GIGYF1: variants seen among roughly 807,000 people sequenced by gnomAD.
The protein encoded by GIGYF1 is GRB10 interacting GYF protein 1.
GIGYF1 carries 84 observed loss-of-function variants against 147.1 expected under a neutral mutation model. That is an observed-to-expected ratio of 0.57 (90% CI 0.48 to 0.68). GIGYF1 has a LOEUF of 0.68. Among genes scored for constraint, GIGYF1 ranks in the 30% least tolerant of loss-of-function variants. The pLI is 0.00. For synonymous variants in GIGYF1, 752 were observed against 589.5 expected, an observed-to-expected ratio of 1.28 and a Z score of -3.99; for missense variants, 1,485 against 1,393.7, an observed-to-expected ratio of 1.07 and a Z score of -1.04.
chr7:100,693,561 C>G (rs1805989835), intron 1 of GIGYF1, among the ~76,000 whole-genome samples: 1 of 152,180 alleles, frequency 6.6e-6, no homozygotes, highest in African/African-American at 2.4e-5. Context: ...TGGCCAAAGT[C>G]GTGGAACGCT....
At chr7:100,692,634 T>C (rs1389377894) in intron 1 of GIGYF1, among the ~76,000 whole-genome samples, 1 of 152,200 alleles carries the variant, frequency 6.6e-6, no homozygotes, top group African/African-American at 2.4e-5. Flanking sequence ...GGCTAACGCA[T>C]CAGATCACGA....
Position 100,687,493 on chromosome 7 carries a change from T to C in GIGYF1, c.373+12A>G, listed in dbSNP as rs371491920. On this transcript the variant is annotated intron_variant, in intron 7 of 26. Transcript: ENST00000678049. ...ATCTGCCCGTCCCCAGGACACGCCATCACCCCTCTACCTCGGCTCCGCGTG... is the reference window on the plus strand; with the variant it reads ...ATCTGCCCGTCCCCAGGACACGCCACCACCCCTCTACCTCGGCTCCGCGTG... The C allele has an allele frequency of 3.7e-6, 6 of 1,609,028 alleles. No individual in the cohort carries two copies. The South Asian group carries it at 4.4e-5, about 12-fold the overall frequency.
Position 100,682,246 on chromosome 7 carries a change from A to C in GIGYF1, c.2762-11T>G. ...CTACAGCCATGGGCACTGCAGGATG[A>C]GCGAAGGCTGTCAGGGCCCCCTGGC... On this transcript the variant is annotated splice_polypyrimidine_tract_variant and intron_variant, in intron 24 of 26. Coordinates refer to ENST00000678049, the MANE Select transcript of GIGYF1 (RefSeq NM_001375765.1). The C allele has an allele frequency of 6.2e-7, 1 of 1,609,462 alleles. No homozygotes were observed. Among genetic ancestry groups the C allele is most frequent in the Non-Finnish European group, 8.5e-7 (1 of 1,178,736 alleles).
In GIGYF1 at chr7:100,684,322, C is replaced by A; in HGVS notation, c.1645G>T (p.Glu549Ter). The A allele has an allele frequency of 6.3e-7, 1 of 1,597,902 alleles. No homozygotes were observed. Among genetic ancestry groups the A allele is most frequent in the South Asian group, 1.1e-5 (1 of 89,038 alleles). Residue 549 changes from glutamate to a stop codon, truncating the protein, a stop_gained, in exon 17 of 27, where the codon GAG becomes TAG. Coordinates refer to ENST00000678049, the MANE Select transcript of GIGYF1 (RefSeq NM_001375765.1). LOFTEE classifies it high-confidence loss of function. ...AGCTCCTGTTGCTTCTTCAGCCGCT[C>A]CTGGTCCATGTTTCCCTGCTCAGGT... ...PPPLLGNMDQ[E>*]RLKKQQELAA...
In GIGYF1 at chr7:100,681,671, G is replaced by A. The variant is rs371623872; in HGVS notation, c.*48C>T. 1.9e-4 allele frequency: 292 copies of A among 1,503,592 alleles called. 2 individuals are homozygous for A. Among genetic ancestry groups the A allele is most frequent in the Middle Eastern group, 2.0e-4 (1 of 4,906 alleles). 93.1% of individuals were successfully genotyped at this position (1,503,592 alleles called of 1,614,324 possible). A position where few individuals can be genotyped will look rare whatever the true frequency, so the allele number is the denominator to read the frequency against. ...CAGGCTGGGACCCTCGGTCCACGCC[G>A]CTGTGGCTGCCCTGGCCTACAGCCC... On this transcript the variant is annotated 3_prime_UTR_variant, in exon 27 of 27. Coordinates refer to ENST00000678049, the MANE Select transcript of GIGYF1 (RefSeq NM_001375765.1).
chr7:100,680,528 C>T lies in GIGYF1; in HGVS notation c.*1191G>A, dbSNP rs901162672. On this transcript the variant is annotated 3_prime_UTR_variant, in exon 27 of 27. Transcript: ENST00000678049. ...CAACCTTACCCAACGGTAAAAAGCG[C>T]ATCATATCAGACCCGGAAGGCCACC... 6.5e-5 allele frequency: 10 copies of T among 152,682 alleles called. No homozygotes were observed. The highest frequency in any genetic ancestry group is 3.8e-4 in the East Asian group (2 of 5,198). The allele number at this position is 152,682 out of a possible 1,614,324, so 9.5% of individuals were successfully genotyped here.
rs1394135248 is a variant in GIGYF1 at position 100,681,969 on chromosome 7, G to A, written c.2950C>T (p.Leu984=). The change falls in exon 26 of 27, where the codon CTG becomes TTG. Residue 984 remains leucine, a synonymous_variant. Coordinates refer to ENST00000678049, the MANE Select transcript of GIGYF1 (RefSeq NM_001375765.1). ...QQEAWLSSAS[L]QTAFQANHST... is the part of the protein sequence containing the mutation. ...TGGTTGGCCTGGAAGGCCGTCTGCA[G>A]CGAGGCGCTGCTCAGCCATGCCTCC... 6.2e-7 allele frequency: 1 copy of A among 1,608,910 alleles called. No homozygotes were observed. The highest frequency in any genetic ancestry group is 1.7e-5 in the Admixed American group (1 of 60,008).
Position 100,681,209 on chromosome 7 carries a change from A to T in GIGYF1, c.*510T>A, listed in dbSNP as rs2131363246. On this transcript the variant is annotated 3_prime_UTR_variant, in exon 27 of 27. Coordinates refer to ENST00000678049, the MANE Select transcript of GIGYF1 (RefSeq NM_001375765.1). ...CTGGCCCCCAGCTTCCAGTTACCCC[A>T]TGGCCCGCCTTCTGGGGGGTAAGTA... is the stretch of plus-strand genomic sequence containing the variant. 6.5e-6 allele frequency: 1 copy of T among 152,708 alleles called. No homozygotes were observed. The highest frequency in any genetic ancestry group is 2.4e-5 in the African/African-American group (1 of 41,542). 9.5% of individuals were successfully genotyped at this position (152,708 alleles called of 1,614,324 possible).
At chr7:100,693,105 G>A (rs1351516497) in intron 1 of GIGYF1, among the ~76,000 whole-genome samples, 2 of 152,048 alleles carry the variant, frequency 1.3e-5, no homozygotes, top group Non-Finnish European at 2.9e-5. Context: ...CACTTTGAGA[G>A]GCAGGAGGGA....
chr7:100,683,168 G>T lies in GIGYF1; in HGVS notation c.2256C>A (p.Pro752=). 1.2e-6 allele frequency: 2 copies of T among 1,603,036 alleles called. No individual in the cohort carries two copies. The highest frequency in any genetic ancestry group is 1.7e-6 in the Non-Finnish European group (2 of 1,178,274). The change falls in exon 22 of 27, where the codon CCC becomes CCA. Residue 752 remains proline, a synonymous_variant. Transcript: ENST00000678049. ...LQQQQAVPVP[P]APSSPPPLWA... ...AGAGTGGGGGCGGGGAGCTGGGTGC[G>T]GGGGGCACAGGGACCGCCTGCTGCT...
Position 100,688,656 on chromosome 7 carries a change from G to A in GIGYF1, c.-199C>T. On this transcript the variant is annotated 5_prime_UTR_variant, in exon 2 of 27. Transcript: ENST00000678049. ...TGCTGGAGTGAACGAGGGTACCCAA[G>A]CCACTGGGAATTGGTCTGACCTCAG... 2 of 409,840 alleles carry A rather than the reference G, an allele frequency of 4.9e-6. No individual in the cohort carries two copies. Among genetic ancestry groups the A allele is most frequent in the South Asian group, 1.8e-5 (1 of 54,326 alleles). 25.4% of individuals were successfully genotyped at this position (409,840 alleles called of 1,614,324 possible).
intron 1 of GIGYF1, among the ~76,000 whole-genome samples, chr7:100,691,710 G>A (rs910597738): frequency 1.3e-5 from 2 of 152,050 alleles, no homozygotes; most frequent in African/African-American, 4.8e-5. Context: ...CCCCGCCCTG[G>A]CCCTGCCCTC....
rs1562872784 is a variant in GIGYF1 at position 100,683,642 on chromosome 7, G to A, written c.1970-10C>T. ...AGACTGGCCTCACCACCTGCAGGGG[G>A]CAGGGGGGCAGAGGCGGCTGCAGGT... On this transcript the variant is annotated splice_polypyrimidine_tract_variant and intron_variant, in intron 19 of 26. Coordinates refer to ENST00000678049, the MANE Select transcript of GIGYF1 (RefSeq NM_001375765.1). The A allele has an allele frequency of 5.6e-6, 9 of 1,613,130 alleles. No homozygotes were observed. The highest frequency in any genetic ancestry group is 4.4e-5 in the South Asian group (4 of 91,056).
chr7:100,694,045 T>G, intron 1 of GIGYF1, 65 bp downstream of exon 1: 2 of 142,434 alleles, frequency 1.4e-5, no homozygotes, highest in Non-Finnish European at 1.5e-5. Flanking sequence ...CGCCGCGGCG[T>G]CGGGGGCGGG....
At position 100,687,399 on chromosome 7, in the gene GIGYF1, G is replaced by A. The variant is rs1199573377; in HGVS notation, c.381C>T (p.Gly127=). The change falls in exon 8 of 27, where the codon GGC becomes GGT. Residue 127 remains glycine (G), a synonymous_variant. Transcript: ENST00000678049. ...TTTGGTAAAAGCAGCTGTCACCACG[G>A]CCGCGGCCTAGAGAAGAGGCCAGAC... ...GRGSTRSRGR[G]RGDSCFYQRS... 1.2e-6 allele frequency: 2 copies of A among 1,613,330 alleles called. No individual in the cohort carries two copies. Among genetic ancestry groups the A allele is most frequent in the East Asian group, 2.2e-5 (1 of 44,876 alleles).
intron 14 of GIGYF1, 66 bp downstream of exon 14, chr7:100,684,983 G>C: frequency 6.4e-7 from 1 of 1,561,326 alleles, no homozygotes; most frequent in Non-Finnish European, 8.7e-7. Context: ...CTGGGGCCGG[G>C]GCTGGGGCCA....
Position 100,682,489 on chromosome 7 carries a change from G to T in GIGYF1, c.2601-7C>A. 6.2e-7 allele frequency: 1 copy of T among 1,610,806 alleles called. No homozygotes were observed. The highest frequency in any genetic ancestry group is 1.1e-5 in the South Asian group (1 of 91,064). On this transcript the variant is annotated splice_polypyrimidine_tract_variant and splice_region_variant and intron_variant, in intron 23 of 26. Transcript: ENST00000678049. The stretch of plus-strand genomic sequence containing the variant: ...TAGGTGGCTGTATGAGTCACTGAAG[G>T]GGGAGGGTGAGTCAGGGTTGGAAAT...
intron 12 of GIGYF1, 85 bp downstream of exon 12, chr7:100,685,889 G>T (rs1805274976): frequency 9.2e-7 from 1 of 1,087,560 alleles, no homozygotes; most frequent in Non-Finnish European, 1.4e-6. Flanking sequence ...TCTACAGGTA[G>T]GTGGGCAGCC....
At chr7:100,687,428 C>A (rs765652080) in intron 7 of GIGYF1, 22 bp from the exon 8 acceptor site, 1 of 1,612,034 alleles carries the variant, frequency 6.2e-7, no homozygotes, top group South Asian at 1.1e-5. Context: ...GCCAGACGCA[C>A]AATGAAACCT....
Sources: gnomAD v4.1 joint callset for allele counts (sites outside exome capture counted in the v4.1 genomes callset) on GRCh38, gnomAD v4.1.1 for gene constraint, MANE v1.5 for transcripts, NCBI Gene and HGNC (gene_info 2026-07-23, HGNC 2026-07-21) for gene names.